The following TAS2R8 variants were observed in gnomAD, a reference collection of about 807,000 sequenced individuals.
TAS2R8 encodes taste receptor type 2 member 8.
For synonymous variants in TAS2R8, 139 were observed against 123.9 expected, an observed-to-expected ratio of 1.12 and a Z score of -0.81; for missense variants, 396 against 358.1, an observed-to-expected ratio of 1.11 and a Z score of -0.85.
Position 10,806,976 on chromosome 12 carries a change from A to T in TAS2R8, c.5T>A (p.Phe2Tyr). ...TATAAAGATGTTATCTGCAGGACTG[A>T]ACATGTTTGTAGAGAGAACAATCTG... is the stretch of plus-strand genomic sequence containing the variant. M[F>Y]SPADNIFIIL... is the part of the protein sequence containing the mutation. Residue 2 changes from phenylalanine to tyrosine, a missense_variant, in exon 1 of 1, where the codon TTC (phenylalanine) becomes TAC (tyrosine). By Grantham distance (22) the Phe-to-Tyr change is conservative. Coordinates refer to ENST00000240615, the MANE Select transcript of TAS2R8 (RefSeq NM_023918.3). 6.3e-7 allele frequency: 1 copy of T among 1,597,432 alleles called. No homozygotes were observed. Among genetic ancestry groups the T allele is most frequent in the Non-Finnish European group, 8.5e-7 (1 of 1,173,602 alleles).
chr12:10,806,905 A>T lies in TAS2R8; in HGVS notation c.76T>A (p.Tyr26Asn). Residue 26 changes from tyrosine to asparagine, a missense_variant, in exon 1 of 1, where the codon TAC becomes AAC. Tyr to Asn is a moderately radical substitution (Grantham distance 143). Coordinates refer to ENST00000240615, the MANE Select transcript of TAS2R8 (RefSeq NM_023918.3). The part of the protein sequence containing the change: ...EFILGILGNG[Y>N]IALVNWIDWI... Reference sequence around the variant, plus strand: ...TCAATCCAGTTGACTAGTGCAATGTATCCATTCCCCAATATTCCTAGTATG... The same window carrying T: ...TCAATCCAGTTGACTAGTGCAATGTTTCCATTCCCCAATATTCCTAGTATG... 6.2e-7 allele frequency: 1 copy of T among 1,612,828 alleles called. No homozygotes were observed. Among genetic ancestry groups the T allele is most frequent in the Non-Finnish European group, 8.5e-7 (1 of 1,179,722 alleles).
rs1948722892 is a variant in TAS2R8, at chr12:10,806,345, G to A, written c.636C>T (p.Thr212=). The A allele has an allele frequency of 1.2e-6, 2 of 1,613,638 alleles. No homozygotes were observed. The highest frequency in any genetic ancestry group is 2.2e-5 in the East Asian group (1 of 44,868). ...FLLVRSLWRH[T]KQIKLYATGS... ...CGGTAGCATAGAGTTTTATTTGCTTGGTATGTCTCCATAAAGATCTTACTA... is the reference window on the plus strand; with the variant it reads ...CGGTAGCATAGAGTTTTATTTGCTTAGTATGTCTCCATAAAGATCTTACTA... Residue 212 remains threonine (T), a synonymous_variant, in exon 1 of 1, where the codon ACC becomes ACT. Transcript: ENST00000240615.
rs750834094 is a variant in TAS2R8 at position 10,806,591 on chromosome 12, C to T, written c.390G>A (p.Val130=). The part of the protein sequence containing the change: ...LWLKWKIDMV[V]HWILLGCFAI... ...CAAAGCATCCCAGCAGGATCCAGTG[C>T]ACCACCATATCAATTTTCCACTTCA... Residue 130 remains valine, a synonymous_variant, in exon 1 of 1, where the codon GTG becomes GTA. Coordinates refer to ENST00000240615, the MANE Select transcript of TAS2R8 (RefSeq NM_023918.3). 48 of 1,613,758 alleles carry T rather than the reference C, an allele frequency of 3.0e-5. No homozygotes were observed. The highest frequency in any genetic ancestry group is 3.9e-5 in the Non-Finnish European group (46 of 1,179,918).
chr12:10,806,936 T>C lies in TAS2R8; in HGVS notation c.45A>G (p.Gly15=), dbSNP rs1436661708. The change falls in exon 1 of 1, where the codon GGA becomes GGG. Residue 15 remains glycine (G), a synonymous_variant. Coordinates refer to ENST00000240615, the MANE Select transcript of TAS2R8 (RefSeq NM_023918.3). ...TCCCCAATATTCCTAGTATGAATTC[T>C]CCAGTTATTAGGATTATAAAGATGT... The part of the protein sequence containing the change: ...ADNIFIILIT[G]EFILGILGNG... 1 of 1,611,400 alleles carries C rather than the reference T, an allele frequency of 6.2e-7. No individual in the cohort carries two copies. The highest frequency in any genetic ancestry group is 1.7e-5 in the Admixed American group (1 of 59,862).
At position 10,807,023 on chromosome 12, in the gene TAS2R8, G is replaced by T; in HGVS notation, c.-43C>A. The T allele has an allele frequency of 1.4e-6, 2 of 1,456,022 alleles. No homozygotes were observed. Among genetic ancestry groups the T allele is most frequent in the Non-Finnish European group, 9.3e-7 (1 of 1,074,884 alleles). The allele number at this position is 1,456,022 out of a possible 1,614,324, so 90.2% of individuals were successfully genotyped here. Reference sequence around the variant, plus strand: ...TCTGATTTCAAATATCACTGTAGATGAGCTAATTTACAGGTGACCTGTTAA... The same window carrying T: ...TCTGATTTCAAATATCACTGTAGATTAGCTAATTTACAGGTGACCTGTTAA... On this transcript the variant is annotated 5_prime_UTR_variant, in exon 1 of 1. Transcript: ENST00000240615.
chr12:10,806,325 G>A lies in TAS2R8; in HGVS notation c.656C>T (p.Ala219Val), dbSNP rs780272654. ...WRHTKQIKLY[A>V]TGSRDPSTEV... ...TGTGCTGGGGTCTCTACTGCCGGTA[G>A]CATAGAGTTTTATTTGCTTGGTATG... The change falls in exon 1 of 1, where the codon GCT (alanine) becomes GTT (valine). Residue 219 changes from alanine (A) to valine (V), a missense_variant. Ala to Val is a moderately conservative substitution (Grantham distance 64, BLOSUM62 0). Transcript: ENST00000240615. 4 of 1,613,738 alleles carry A rather than the reference G, an allele frequency of 2.5e-6. 1 individual carries two copies. The South Asian group carries it at 3.3e-5, about 13-fold the overall frequency.
rs766700346 is a variant in TAS2R8, at chr12:10,806,821, C to T, written c.160G>A (p.Ala54Thr). 36 of 1,613,680 alleles carry T rather than the reference C, an allele frequency of 2.2e-5. No individual in the cohort carries two copies. Among genetic ancestry groups the T allele is most frequent in the South Asian group, 4.4e-5 (4 of 91,074 alleles). The change falls in exon 1 of 1, where the codon GCC becomes ACC. Residue 54 changes from alanine to threonine, a missense_variant. By Grantham distance (58) the Ala-to-Thr change is moderately conservative. Coordinates refer to ENST00000240615, the MANE Select transcript of TAS2R8 (RefSeq NM_023918.3). ...ATTACACTGATCAAACAAATTCTGG[C>T]GATAACTAAATTGGTAAGGATGTAG... ...VDYILTNLVI[A>T]RICLISVMVV... is the part of the protein sequence containing the mutation.
rs754737562 is a variant in TAS2R8 at position 10,806,163 on chromosome 12, G to A, written c.818C>T (p.Ala273Val). ...GTGACCCAAGGGGTAGAGAATTGCT[G>A]CAATCTCTCCAAACTCCACAGCTAA... Reference protein sequence around the residue: ...YKLAVEFGEIAAILYPLGHSL... With the variant: ...YKLAVEFGEIVAILYPLGHSL... The change falls in exon 1 of 1, where the codon GCA becomes GTA. Residue 273 changes from alanine to valine, a missense_variant. Ala to Val is a moderately conservative substitution (Grantham distance 64). Coordinates refer to ENST00000240615, the MANE Select transcript of TAS2R8 (RefSeq NM_023918.3). 6.2e-7 allele frequency: 1 copy of A among 1,613,380 alleles called. No homozygotes were observed. Among genetic ancestry groups the A allele is most frequent in the Non-Finnish European group, 8.5e-7 (1 of 1,179,720 alleles).
chr12:10,806,316 C>T lies in TAS2R8; in HGVS notation c.665G>A (p.Ser222Asn), dbSNP rs757274586. Residue 222 changes from serine (S) to asparagine (N), a missense_variant, in exon 1 of 1, where the codon AGT becomes AAT. Ser to Asn is a conservative substitution (Grantham distance 46, BLOSUM62 1). Transcript: ENST00000240615. ...TKQIKLYATGSRDPSTEVHVR... is the reference protein window; with the variant it reads ...TKQIKLYATGNRDPSTEVHVR... Reference sequence around the variant, plus strand: ...ATGAACTTCTGTGCTGGGGTCTCTACTGCCGGTAGCATAGAGTTTTATTTG... The same window carrying T: ...ATGAACTTCTGTGCTGGGGTCTCTATTGCCGGTAGCATAGAGTTTTATTTG... The T allele has an allele frequency of 1.1e-5, 17 of 1,613,614 alleles. No individual in the cohort carries two copies. The African/African-American group carries it at 2.3e-4, about 22-fold the overall frequency.
chr12:10,806,096 T>C lies in TAS2R8; in HGVS notation c.885A>G (p.Thr295=). 1.9e-6 allele frequency: 3 copies of C among 1,608,332 alleles called. No homozygotes were observed. Among genetic ancestry groups the C allele is most frequent in the East Asian group, 4.5e-5 (2 of 44,838 alleles). ...LIVLNNKLRQ[T]FVRMLTCRKI... The stretch of plus-strand genomic sequence containing the variant: ...TTCTACATGTCAGCATTCTGACAAA[T>C]GTCTGCCTCAGTTTATTATTTAAAA... The change falls in exon 1 of 1, where the codon ACA becomes ACG. Residue 295 remains threonine, a synonymous_variant. Transcript: ENST00000240615.
chr12:10,806,365 T>C lies in TAS2R8; in HGVS notation c.616A>G (p.Arg206Gly). ...TGCTTGGTATGTCTCCATAAAGATC[T>C]TACTAAAAGGAAAAATGATATCAGT... ...VSLISFFLLV[R>G]SLWRHTKQIK... The change falls in exon 1 of 1, where the codon AGA (arginine) becomes GGA (glycine). Residue 206 changes from arginine (R) to glycine (G), a missense_variant. Physicochemically the swap from Arg to Gly is moderately radical, Grantham distance 125 (BLOSUM62 -2). Coordinates refer to ENST00000240615, the MANE Select transcript of TAS2R8 (RefSeq NM_023918.3). 1 of 1,613,786 alleles carries C rather than the reference T, an allele frequency of 6.2e-7. No individual in the cohort carries two copies. The highest frequency in any genetic ancestry group is 8.5e-7 in the Non-Finnish European group (1 of 1,179,914).
Position 10,806,435 on chromosome 12 carries a change from G to A in TAS2R8, c.546C>T (p.Pro182=). ...FHVSKIPYFE[P]LTLFNLFAIV... The stretch of plus-strand genomic sequence containing the variant: ...TTGCAAACAGGTTAAAGAGAGTCAA[G>A]GGTTCAAAGTATGGTATTTTACTCA... The change falls in exon 1 of 1, where the codon CCC becomes CCT. Residue 182 remains proline, a synonymous_variant. Transcript: ENST00000240615. 6.2e-7 allele frequency: 1 copy of A among 1,613,768 alleles called. No homozygotes were observed. Among genetic ancestry groups the A allele is most frequent in the Middle Eastern group, 1.7e-4 (1 of 6,054 alleles).
Position 10,807,050 on chromosome 12 carries a change from G to A in TAS2R8, c.-70C>T, listed in dbSNP as rs1358390281. ...GCTAATTTACAGGTGACCTGTTAAA[G>A]CATGATAGATCAATTCTTCGAATCA... is the stretch of plus-strand genomic sequence containing the variant. On this transcript the variant is annotated 5_prime_UTR_variant, in exon 1 of 1. Transcript: ENST00000240615. 10 of 1,203,922 alleles carry A rather than the reference G, an allele frequency of 8.3e-6. No homozygotes were observed. Among genetic ancestry groups the A allele is most frequent in the Non-Finnish European group, 1.2e-5 (10 of 858,598 alleles). 74.6% of individuals were successfully genotyped at this position (1,203,922 alleles called of 1,614,324 possible).
Position 10,806,431 on chromosome 12 carries a change from T to G in TAS2R8, c.550A>C (p.Thr184Pro). ...ACAATTGCAAACAGGTTAAAGAGAG[T>G]CAAGGGTTCAAAGTATGGTATTTTA... is the stretch of plus-strand genomic sequence containing the variant. Reference protein sequence around the residue: ...VSKIPYFEPLTLFNLFAIVPF... With the variant: ...VSKIPYFEPLPLFNLFAIVPF... The change falls in exon 1 of 1, where the codon ACT becomes CCT. Residue 184 changes from threonine to proline, a missense_variant. Coordinates refer to ENST00000240615, the MANE Select transcript of TAS2R8 (RefSeq NM_023918.3). 3.7e-6 allele frequency: 6 copies of G among 1,613,524 alleles called. No individual in the cohort carries two copies. Among genetic ancestry groups the G allele is most frequent in the Non-Finnish European group, 4.2e-6 (5 of 1,179,790 alleles).
Position 10,807,191 on chromosome 12 carries a change from C to G in TAS2R8, c.-211G>C. 2.1e-6 allele frequency: 1 copy of G among 478,506 alleles called. No homozygotes were observed. Among genetic ancestry groups the G allele is most frequent in the East Asian group, 3.2e-5 (1 of 31,226 alleles). 29.6% of individuals were successfully genotyped at this position (478,506 alleles called of 1,614,324 possible). A position where few individuals can be genotyped will look rare whatever the true frequency, so the allele number is the denominator to read the frequency against. ...CCTGAAGATGAAACCAACTAATGAGCAGCTTGACTAGTTATTTATAGCCTG... is the reference window on the plus strand; with the variant it reads ...CCTGAAGATGAAACCAACTAATGAGGAGCTTGACTAGTTATTTATAGCCTG... On this transcript the variant is annotated 5_prime_UTR_variant, in exon 1 of 1. Coordinates refer to ENST00000240615, the MANE Select transcript of TAS2R8 (RefSeq NM_023918.3).
At position 10,807,215 on chromosome 12, in the gene TAS2R8, TG is replaced by T; in HGVS notation, c.-236del. ...GCAGCTTGACTAGTTATTTATAGCC[TG>T]GAAAAATTATAATTATTATCCTTTA... is the stretch of plus-strand genomic sequence containing the variant. On this transcript the variant is annotated 5_prime_UTR_variant, in exon 1 of 1. An upstream open reading frame in the 5' UTR loses its in-frame stop. Coordinates refer to ENST00000240615, the MANE Select transcript of TAS2R8 (RefSeq NM_023918.3). 2.3e-6 allele frequency: 1 copy of T among 435,750 alleles called. No individual in the cohort carries two copies. The highest frequency in any genetic ancestry group is 4.0e-6 in the Non-Finnish European group (1 of 248,248). 27.0% of individuals were successfully genotyped at this position (435,750 alleles called of 1,614,324 possible). A position where few individuals can be genotyped will look rare whatever the true frequency, so the allele number is the denominator to read the frequency against.
chr12:10,806,077 A>G lies in TAS2R8; in HGVS notation c.904T>C (p.Cys302Arg), dbSNP rs1469815593. 1.3e-6 allele frequency: 2 copies of G among 1,597,256 alleles called. No individual in the cohort carries two copies. Among genetic ancestry groups the G allele is most frequent in the Admixed American group, 1.8e-5 (1 of 56,394 alleles). The stretch of plus-strand genomic sequence containing the variant: ...CATATCATGCAGGCAATTTTTCTAC[A>G]TGTCAGCATTCTGACAAATGTCTGC... ...LRQTFVRMLT[C>R]RKIACMI The change falls in exon 1 of 1, where the codon TGT (cysteine) becomes CGT (arginine). Residue 302 changes from cysteine (C) to arginine (R), a missense_variant. Physicochemically the swap from Cys to Arg is radical, Grantham distance 180. Transcript: ENST00000240615.
In TAS2R8 at chr12:10,806,529, A is replaced by G. The variant is rs1388628350; in HGVS notation, c.452T>C (p.Val151Ala). The G allele has an allele frequency of 6.2e-7, 1 of 1,613,894 alleles. No homozygotes were observed. The highest frequency in any genetic ancestry group is 2.2e-5 in the East Asian group (1 of 44,858). The stretch of plus-strand genomic sequence containing the variant: ...ATGAAACCTATAATCACAACTCAGT[A>G]CTATTGCTGCTATAAGGCTGACCAA... ...SLLVSLIAAI[V>A]LSCDYRFHAI... Residue 151 changes from valine (V) to alanine (A), a missense_variant, in exon 1 of 1, where the codon GTA (valine) becomes GCA (alanine). Transcript: ENST00000240615.
chr12:10,806,920 T>G lies in TAS2R8; in HGVS notation c.61A>C (p.Ile21Leu), dbSNP rs577709484. ...ILITGEFILGILGNGYIALVN... is the reference protein window; with the variant it reads ...ILITGEFILGLLGNGYIALVN... ...AGTGCAATGTATCCATTCCCCAATA[T>G]TCCTAGTATGAATTCTCCAGTTATT... The change falls in exon 1 of 1, where the codon ATA (isoleucine) becomes CTA (leucine). Residue 21 changes from isoleucine (I) to leucine (L), a missense_variant. Physicochemically the swap from Ile to Leu is conservative, Grantham distance 5 (BLOSUM62 2). Transcript: ENST00000240615. The G allele has an allele frequency of 2.5e-6, 4 of 1,612,452 alleles. No individual in the cohort carries two copies. The South Asian group carries it at 4.4e-5, about 18-fold the overall frequency.
Sources: allele counts gnomAD v4.1 joint callset, GRCh38; gene constraint gnomAD v4.1.1; transcripts MANE v1.5; gene names NCBI Gene and HGNC (gene_info 2026-07-23, HGNC 2026-07-21).